Variants in LAMA1 observed in about 807,000 individuals in gnomAD.
LAMA1 encodes laminin subunit alpha-1.
Under a neutral mutation model 348.7 loss-of-function variants are expected in LAMA1, and 219 were observed. The observed-to-expected ratio is 0.63, with a 90% CI of 0.56 to 0.70. The LOEUF (loss-of-function observed/expected upper bound fraction) is 0.70. LAMA1 is among the 30% of genes least tolerant of loss of function. The pLI is 0.00. For missense variants in LAMA1, 3,744 were observed against 3,888.0 expected, an observed-to-expected ratio of 0.96 and a Z score of 0.99; for synonymous variants, 1,487 against 1,491.0, an observed-to-expected ratio of 1.00 and a Z score of 0.06.
At chr18:7,018,701 C>T (rs1266816614) in intron 19 of LAMA1, among the ~76,000 whole-genome samples, 3 of 152,112 alleles carry the variant, frequency 2.0e-5, no homozygotes, top group Admixed American at 2.0e-4. Context: ...GGCCCCCAGG[C>T]ACTCTTTATA....
At position 7,043,209 on chromosome 18, in the gene LAMA1, G is replaced by A; in HGVS notation, c.1155+18C>T. On this transcript the variant is annotated intron_variant, in intron 8 of 62. Coordinates refer to ENST00000389658, the MANE Select transcript of LAMA1 (RefSeq NM_005559.4). The stretch of plus-strand genomic sequence containing the variant: ...GGGAAGATGATGAAGATCAGCAATG[G>A]CAAAGAAATACTCTTACTTTGTGTG... The A allele has an allele frequency of 6.2e-7, 1 of 1,612,256 alleles. No homozygotes were observed. The highest frequency in any genetic ancestry group is 8.5e-7 in the Non-Finnish European group (1 of 1,178,402).
chr18:7,011,618 A>C, intron 24 of LAMA1, 139 bp from the exon 25 acceptor site: 4 of 942,178 alleles, frequency 4.2e-6, no homozygotes, highest in Non-Finnish European at 6.7e-6. Context: ...TTTCCTTTAA[A>C]CTAAACATCT....
At chr18:7,099,382 G>A in intron 1 of LAMA1, among the ~76,000 whole-genome samples, 1 of 151,446 alleles carries the variant, frequency 6.6e-6, no homozygotes, top group Non-Finnish European at 1.5e-5. Context: ...TTGTTCACTT[G>A]TTTATATGCT....
At chr18:6,973,412 G>A (rs2057667390) in intron 46 of LAMA1, among the ~76,000 whole-genome samples, 2 of 151,972 alleles carry the variant, frequency 1.3e-5, no homozygotes, top group African/African-American at 4.8e-5. Context: ...ATCATGTTGT[G>A]TCCCTGCTTA....
chr18:6,959,867 C>T (rs1002557204), intron 53 of LAMA1: 3 of 274,838 alleles, frequency 1.1e-5, no homozygotes. Flanking sequence ...ATTGTTTTGC[C>T]TGTGATGTTG....
intron 60 of LAMA1, among the ~76,000 whole-genome samples, chr18:6,947,619 G>T (rs1416691925): frequency 6.6e-6 from 1 of 152,140 alleles, no homozygotes; most frequent in Non-Finnish European, 1.5e-5. Context: ...GTGGGCTGTT[G>T]GGATTTGATC....
intron 48 of LAMA1, among the ~76,000 whole-genome samples, chr18:6,969,886 C>T (rs1312692249): frequency 6.6e-6 from 1 of 152,168 alleles, no homozygotes; most frequent in Non-Finnish European, 1.5e-5. Flanking sequence ...TCATTCAGTG[C>T]TGTAGCTTGA....
chr18:6,982,452 T>C, intron 41 of LAMA1, 45 bp downstream of exon 41: 2 of 1,505,728 alleles, frequency 1.3e-6, no homozygotes, highest in Non-Finnish European at 1.9e-6. Context: ...AGCGAGACGC[T>C]CACGCTCACT....
intron 7 of LAMA1, 72 bp from the exon 8 acceptor site, chr18:7,043,477 C>T: frequency 8.2e-7 from 1 of 1,212,524 alleles, no homozygotes; most frequent in Non-Finnish European, 1.2e-6. Flanking sequence ...CTTAACCTCC[C>T]TAAGTAAGTT....
chr18:7,024,533 T>C, intron 17 of LAMA1, 67 bp from the exon 18 acceptor site: 2 of 1,273,448 alleles, frequency 1.6e-6, no homozygotes, highest in Non-Finnish European at 2.3e-6. Flanking sequence ...CTATTTAAAA[T>C]GCTTCATTTC....
Position 6,949,204 on chromosome 18 carries a change from G to C in LAMA1, c.8453C>G (p.Ser2818Cys), listed in dbSNP as rs146003003. 35 of 1,614,196 alleles carry C rather than the reference G, an allele frequency of 2.2e-5. No individual in the cohort carries two copies. In the African/African-American group the frequency reaches 4.5e-4, roughly 21 times the overall value. ...KGFITVDGRE[S>C]PMVTVVGDGT... Reference sequence around the variant, plus strand: ...ATCTCCCACCACAGTCACCATGGGAGACTCTCGGCCGTCGACAGTTATGAA... The same window carrying C: ...ATCTCCCACCACAGTCACCATGGGACACTCTCGGCCGTCGACAGTTATGAA... Residue 2818 changes from serine (S) to cysteine (C), a missense_variant, in exon 59 of 63, where the codon TCT (serine) becomes TGT (cysteine). By Grantham distance (112) the Ser-to-Cys change is moderately radical. This residue lies in a region of LAMA1 where 1,983 missense variants were observed against 1,934.3 expected (regional missense o/e 1.03). Transcript: ENST00000389658.
intron 23 of LAMA1, 107 bp downstream of exon 23, chr18:7,013,708 A>T: frequency 1.0e-6 from 1 of 991,204 alleles, no homozygotes; most frequent in Non-Finnish European, 1.6e-6. Flanking sequence ...GTGTGAACTC[A>T]CTAGGAAAAG....
At chr18:7,088,982 G>T (rs568873761) in intron 1 of LAMA1, among the ~76,000 whole-genome samples, 6 of 152,150 alleles carry the variant, frequency 3.9e-5, no homozygotes, top group African/African-American at 1.4e-4. Flanking sequence ...TCCAGCCTGG[G>T]AGACAGTGAG....
chr18:7,115,817 A>AACAAAAAAAC (rs1310453492), intron 1 of LAMA1, among the ~76,000 whole-genome samples: 5 of 138,536 alleles, frequency 3.6e-5, no homozygotes, highest in Admixed American at 1.4e-4. Context: ...AAAAATACAA[A>AACAAAAAAAC]AAAAAAAAAA....
In LAMA1 at chr18:7,014,021, G is replaced by A. The variant is rs1193060126; in HGVS notation, c.3157C>T (p.His1053Tyr). 6.2e-7 allele frequency: 1 copy of A among 1,613,988 alleles called. No homozygotes were observed. The highest frequency in any genetic ancestry group is 8.5e-7 in the Non-Finnish European group (1 of 1,179,964). ...ACNCSLVGST[H>Y]HRCDVVTGHC... ...CCGGTGACCACATCGCACCGATGAT[G>A]AGTCGACCCCACGAGACTGCAATTG... Residue 1053 changes from histidine to tyrosine, a missense_variant, in exon 23 of 63, where the codon CAT (histidine) becomes TAT (tyrosine). By Grantham distance (83) the His-to-Tyr change is moderately conservative. This residue lies in a region of LAMA1 where 1,529 missense variants were observed against 1,689.4 expected (regional missense o/e 0.91). Transcript: ENST00000389658.
intron 3 of LAMA1, among the ~76,000 whole-genome samples, chr18:7,054,617 T>G (rs1368544373): frequency 6.6e-6 from 1 of 152,198 alleles, no homozygotes; most frequent in East Asian, 1.9e-4. Context: ...TGTGTGTAAA[T>G]GGACCTCTAA....
At chr18:7,110,695 G>A (rs944931633) in intron 1 of LAMA1, among the ~76,000 whole-genome samples, 4 of 151,980 alleles carry the variant, frequency 2.6e-5, no homozygotes, top group East Asian at 1.9e-4. Context: ...GGTGGTGGGC[G>A]CCTATAATCC....
Position 6,942,041 on chromosome 18 carries a change from T to C in LAMA1, c.*38A>G. 1 of 1,611,804 alleles carries C rather than the reference T, an allele frequency of 6.2e-7. No individual in the cohort carries two copies. Among genetic ancestry groups the C allele is most frequent in the Non-Finnish European group, 8.5e-7 (1 of 1,178,188 alleles). On this transcript the variant is annotated 3_prime_UTR_variant, in exon 63 of 63. Coordinates refer to ENST00000389658, the MANE Select transcript of LAMA1 (RefSeq NM_005559.4). ...TTCACACATACACTTCTCCTCAAAA[T>C]ATTAGCAATGATTCCAACTGAGGAT... is the stretch of plus-strand genomic sequence containing the variant.
At chr18:7,044,602 A>G (rs888492485) in intron 7 of LAMA1, 120 bp downstream of exon 7, 12 of 850,282 alleles carry the variant, frequency 1.4e-5, no homozygotes, top group African/African-American at 3.3e-5. Context: ...AGCTTTGGAA[A>G]CTACTTAAAT....
Sources: allele counts gnomAD v4.1 joint callset (sites outside exome capture counted in the v4.1 genomes callset), GRCh38; gene constraint gnomAD v4.1.1; regional missense constraint gnomAD v4.1.1; transcripts MANE v1.5; gene names NCBI Gene and HGNC (gene_info 2026-07-23, HGNC 2026-07-21).